Variants in RBFOX1 observed in about 807,000 individuals in gnomAD.
RBFOX1 encodes RNA binding fox-1 homolog 1.
In RBFOX1, 8 loss-of-function variants were observed where a neutral mutation model predicts 57.7. The observed-to-expected ratio is 0.14, with a 90% CI of 0.08 to 0.25. The LOEUF is 0.25. Among genes scored for constraint, RBFOX1 ranks in the 10% least tolerant of loss-of-function variants. The probability of loss-of-function intolerance (pLI) is 1.00; values close to 1 mark genes in which losing one functional copy is unlikely to be tolerated. For synonymous variants in RBFOX1, 326 were observed against 222.4 expected (o/e 1.47, Z -4.15); for missense variants, 611 against 548.5 (o/e 1.11, Z -1.14).
chr16:6,880,390 AC>A (rs2062696419), intron 3 of RBFOX1, among the ~76,000 whole-genome samples: 1 of 152,132 alleles, frequency 6.6e-6, no homozygotes, highest in East Asian at 1.9e-4. Context: ...ACTGCAACCC[AC>A]CGCCCTGTTG....
chr16:6,828,333 G>A (rs185009500), intron 3 of RBFOX1, among the ~76,000 whole-genome samples: 1 of 152,124 alleles, frequency 6.6e-6, no homozygotes, highest in Non-Finnish European at 1.5e-5. Flanking sequence ...GGAGCATCGT[G>A]GCCAACATGA....
intron 3 of RBFOX1, among the ~76,000 whole-genome samples, chr16:6,677,732 T>C (rs2057984101): frequency 6.6e-6 from 1 of 152,196 alleles, no homozygotes; most frequent in Admixed American, 6.5e-5. Flanking sequence ...TTTTGTAACT[T>C]TAAAGATAGT....
At chr16:7,594,136 C>A (rs1160271901) in intron 7 of RBFOX1, among the ~76,000 whole-genome samples, 1 of 151,956 alleles carries the variant, frequency 6.6e-6, no homozygotes, top group Non-Finnish European at 1.5e-5. Context: ...GCCCCCCACC[C>A]CGTGACAGGC....
At chr16:7,006,370 G>T (rs990868859) in intron 3 of RBFOX1, among the ~76,000 whole-genome samples, 21 of 152,082 alleles carry the variant, frequency 1.4e-4, no homozygotes, top group Non-Finnish European at 5.9e-5. Flanking sequence ...GGCCAGGATG[G>T]TCTCGATTTT....
In RBFOX1 at chr16:6,098,517, C is replaced by T. The variant is rs556855640; in HGVS notation, c.-127+78525C>T. Among the ~76,000 whole-genome samples, 137 of 152,280 alleles carry T rather than the reference C, an allele frequency of 9.0e-4. 1 individual carries two copies. The South Asian group carries it at 0.023, about 26-fold the overall frequency. ...CCTTTTGAGTTCCTTGTAAGTTGGA[C>T]GCTGGAATAATTCTAAGTCAAGAGC... On this transcript the variant is annotated intron_variant, in intron 1 of 15. Coordinates refer to ENST00000550418, the MANE Select transcript of RBFOX1 (RefSeq NM_018723.4).
At chr16:7,121,234 A>T (rs1234117684) in intron 4 of RBFOX1, among the ~76,000 whole-genome samples, 1 of 152,086 alleles carries the variant, frequency 6.6e-6, no homozygotes, top group East Asian at 1.9e-4. Context: ...CACCAAACTT[A>T]TGCCACATAG....
In RBFOX1 at chr16:7,454,380, A is replaced by T. The variant is rs1254367394; in HGVS notation, c.28-63767A>T. ...CAGTGTCTTGCCAGATTTTCTTAAA[A>T]CTGTACCATATCAAAGGCAGATTGT... On this transcript the variant is annotated intron_variant, in intron 4 of 15. Coordinates refer to ENST00000550418, the MANE Select transcript of RBFOX1 (RefSeq NM_018723.4). Among the ~76,000 whole-genome samples the T allele has an allele frequency of 1.2e-3, 190 of 152,236 alleles. 2 individuals are homozygous for T. The highest frequency in any genetic ancestry group is 4.0e-3 in the African/African-American group (165 of 41,530).
At chr16:6,289,631 A>G (rs2077256484) in intron 1 of RBFOX1, among the ~76,000 whole-genome samples, 1 of 152,174 alleles carries the variant, frequency 6.6e-6, no homozygotes, top group South Asian at 2.1e-4. Flanking sequence ...ATCCACAAAC[A>G]AGACTAATTT....
chr16:7,013,175 C>G (rs1379347223), intron 3 of RBFOX1, among the ~76,000 whole-genome samples: 2 of 152,170 alleles, frequency 1.3e-5, no homozygotes, highest in Non-Finnish European at 2.9e-5. Context: ...TGCTCTGATA[C>G]TCATTGGCTT....
At chr16:7,364,004 G>A (rs1596493440) in intron 4 of RBFOX1, among the ~76,000 whole-genome samples, 1 of 152,216 alleles carries the variant, frequency 6.6e-6, no homozygotes, top group Non-Finnish European at 1.5e-5. Context: ...CAGGAAGACA[G>A]CAAGATCGTA....
chr16:6,351,967 C>T (rs796620504), intron 2 of RBFOX1, among the ~76,000 whole-genome samples: 23 of 152,186 alleles, frequency 1.5e-4, no homozygotes, highest in African/African-American at 5.3e-4. Flanking sequence ...AATTTATACA[C>T]TGCAGAACCA....
At chr16:5,618,297 T>C (rs2048101805) in intron 3 of RBFOX1, among the ~76,000 whole-genome samples, 1 of 151,984 alleles carries the variant, frequency 6.6e-6, no homozygotes, top group African/African-American at 2.4e-5. Flanking sequence ...TGAGTCCAGA[T>C]TCATCCAATC....
intron 1 of RBFOX1, among the ~76,000 whole-genome samples, chr16:6,223,353 C>G (rs2097390846): frequency 6.7e-6 from 1 of 149,426 alleles, no homozygotes; most frequent in African/African-American, 2.5e-5. Context: ...CACATCCTCT[C>G]CAGCACCTGT....
Position 6,434,910 on chromosome 16 carries a change from C to G in RBFOX1, c.-64+117853C>G, listed in dbSNP as rs765051086. The stretch of plus-strand genomic sequence containing the variant: ...CCCCAGGAGGTTAAATGATAAATGA[C>G]AAACATGAGGCCAGCTTCCAAGGAG... On this transcript the variant is annotated intron_variant, in intron 2 of 15. Transcript: ENST00000550418. Among the ~76,000 whole-genome samples, 5 of 152,172 alleles carry G rather than the reference C, an allele frequency of 3.3e-5. No homozygotes were observed. In the South Asian group the frequency reaches 6.2e-4, roughly 19 times the overall value.
chr16:5,906,365 A>T (rs969682797), intron 4 of RBFOX1, among the ~76,000 whole-genome samples: 1 of 152,212 alleles, frequency 6.6e-6, no homozygotes, highest in East Asian at 1.9e-4. Context: ...AAAAGCAGAG[A>T]TCAAGGTAAT....
chr16:5,956,146 C>T (rs529072617), intron 4 of RBFOX1, among the ~76,000 whole-genome samples: 188 of 152,084 alleles, frequency 1.2e-3, no homozygotes, highest in Non-Finnish European at 1.7e-3. Flanking sequence ...TGTGGTGGCG[C>T]GCACCTGTAC....
intron 2 of RBFOX1, among the ~76,000 whole-genome samples, chr16:5,533,592 C>G (rs1417324278): frequency 6.6e-6 from 1 of 152,110 alleles, no homozygotes; most frequent in Non-Finnish European, 1.5e-5. Flanking sequence ...CTCCTGGGCC[C>G]CAGTAGACAT....
intron 2 of RBFOX1, among the ~76,000 whole-genome samples, chr16:5,490,428 A>T (rs892847096): frequency 3.3e-5 from 5 of 152,232 alleles, no homozygotes; most frequent in African/African-American, 1.2e-4. Context: ...CATAGCTGCA[A>T]CTTGACCTTC....
intron 1 of RBFOX1, among the ~76,000 whole-genome samples, chr16:6,020,941 C>T (rs1342956271): frequency 6.6e-6 from 1 of 152,194 alleles, no homozygotes; most frequent in East Asian, 1.9e-4. Context: ...CCATTCCTTG[C>T]TGCCAGGGAA....
Sources: allele counts gnomAD v4.1 joint callset (sites outside exome capture counted in the v4.1 genomes callset), GRCh38; gene constraint gnomAD v4.1.1; transcripts MANE v1.5; gene names NCBI Gene and HGNC (gene_info 2026-07-23, HGNC 2026-07-21).